PRKAG1: variants seen among roughly 807,000 people sequenced by gnomAD.
PRKAG1 encodes protein kinase AMP-activated non-catalytic subunit gamma 1.
Under a neutral mutation model 48.2 loss-of-function variants are expected in PRKAG1, and 27 were observed. The ratio of observed to expected loss-of-function variants is 0.56; its 90% CI spans 0.41 to 0.77. The LOEUF is 0.77. PRKAG1 is among the 30% of genes least tolerant of loss of function. PRKAG1 has a pLI of 0.00. For synonymous variants in PRKAG1, 130 were observed against 147.7 expected (o/e 0.88, Z 0.87); for missense variants, 287 against 398.3 (o/e 0.72, Z 2.38).
At chr12:49,015,831 C>T (rs770878653) in intron 1 of PRKAG1, among the ~76,000 whole-genome samples, 2 of 152,130 alleles carry the variant, frequency 1.3e-5, no homozygotes, top group Non-Finnish European at 2.9e-5. Flanking sequence ...CCGCCTCGGC[C>T]TCCCAAAGTG....
chr12:49,018,513 G>A (rs1760084840), intron 1 of PRKAG1: 2 of 1,425,060 alleles, frequency 1.4e-6, no homozygotes, highest in South Asian at 1.5e-5. Context: ...TGGGCTAAGG[G>A]TACCGCGTAC....
chr12:49,004,019 C>T, intron 8 of PRKAG1, 97 bp from the exon 9 acceptor site: 1 of 1,462,602 alleles, frequency 6.8e-7, no homozygotes, highest in Admixed American at 2.4e-5. Context: ...GCTGGGTGCG[C>T]CGGCTTATGC....
chr12:49,016,977 C>A lies in PRKAG1; in HGVS notation c.9+1755G>T, dbSNP rs745372122. 64 of 363,902 alleles carry A rather than the reference C, an allele frequency of 1.8e-4. 1 individual carries two copies. In the Admixed American group the frequency reaches 2.1e-3, roughly 12 times the overall value. 22.5% of individuals were successfully genotyped at this position (363,902 alleles called of 1,614,324 possible). A position where few individuals can be genotyped will look rare whatever the true frequency, so the allele number is the denominator to read the frequency against. ...TCATGCCGCTGGCTCACCCCCAGTTCTCTACATACCCCAATTTCAGTGCCC... is the reference window on the plus strand; with the variant it reads ...TCATGCCGCTGGCTCACCCCCAGTTATCTACATACCCCAATTTCAGTGCCC... On this transcript the variant is annotated intron_variant, in intron 1 of 11. Coordinates refer to ENST00000548065, the MANE Select transcript of PRKAG1 (RefSeq NM_002733.5).
At chr12:49,012,093 G>A (rs754152333) in intron 2 of PRKAG1, among the ~76,000 whole-genome samples, 3 of 152,194 alleles carry the variant, frequency 2.0e-5, no homozygotes, top group Non-Finnish European at 2.9e-5. Flanking sequence ...CTGACCTTAG[G>A]TGATCCACCC....
At chr12:49,004,144 T>A (rs1169756394) in intron 8 of PRKAG1, 2 of 564,790 alleles carry the variant, frequency 3.5e-6, no homozygotes, top group African/African-American at 1.9e-5. Flanking sequence ...ACCAAAAAAT[T>A]AGCCAGGTGT....
intron 10 of PRKAG1, 116 bp downstream of exon 10, chr12:49,003,442 C>T (rs982107415): frequency 1.3e-6 from 2 of 1,532,900 alleles, no homozygotes; most frequent in Non-Finnish European, 1.8e-6. Flanking sequence ...GATTTGAAAG[C>T]CTGGAAGCTT....
intron 1 of PRKAG1, among the ~76,000 whole-genome samples, chr12:49,014,029 G>A (rs984735976): frequency 2.0e-5 from 3 of 151,934 alleles, no homozygotes; most frequent in African/African-American, 4.8e-5. Flanking sequence ...AATTACAGGC[G>A]TGCACCACCA....
At position 49,005,229 on chromosome 12, in the gene PRKAG1, G is replaced by A; in HGVS notation, c.310-64C>T. ...CTGCTTCCTTAAGCCCTCGTGGCTTGCTTGGAGAAAAAGAAATGAGAATGA... is the reference window on the plus strand; with the variant it reads ...CTGCTTCCTTAAGCCCTCGTGGCTTACTTGGAGAAAAAGAAATGAGAATGA... On this transcript the variant is annotated intron_variant, in intron 5 of 11. Transcript: ENST00000548065. This position sits in a 1 kb window ranked among gnomAD's most constrained non-coding sequence, Gnocchi z 4.1. The A allele has an allele frequency of 6.2e-7, 1 of 1,612,474 alleles. No individual in the cohort carries two copies. The highest frequency in any genetic ancestry group is 8.5e-7 in the Non-Finnish European group (1 of 1,178,510).
rs202239748 is a variant in PRKAG1, at chr12:49,006,364, CCT to C, written c.59-514_59-513del. 9.0e-3 allele frequency among the ~76,000 whole-genome samples: 1,364 copies of C among 152,154 alleles called. 12 individuals carry two copies. The highest frequency in any genetic ancestry group is 0.017 in the Middle Eastern group (5 of 294). On this transcript the variant is annotated intron_variant, in intron 2 of 11. Coordinates refer to ENST00000548065, the MANE Select transcript of PRKAG1 (RefSeq NM_002733.5). ...GCCAGCCTGGGCAACACAGCGAACC[CCT>C]GTCTCAATTAAAAAAAAAATTATTC...
At chr12:49,006,866 G>A (rs984337211) in intron 2 of PRKAG1, among the ~76,000 whole-genome samples, 2 of 152,170 alleles carry the variant, frequency 1.3e-5, no homozygotes. Flanking sequence ...CTACTCGGGA[G>A]GCTGAGGCAG....
intron 1 of PRKAG1, chr12:49,017,395 C>G (rs1309957888): frequency 1.1e-5 from 4 of 348,662 alleles, no homozygotes; most frequent in East Asian, 7.9e-5. Context: ...TTGTTTCTGT[C>G]GAGACAGGCT....
chr12:49,003,881 C>T lies in PRKAG1; in HGVS notation c.579G>A (p.Leu193=). Residue 193 remains leucine (L), a synonymous_variant, in exon 9 of 12, where the codon CTG becomes CTA. Transcript: ENST00000548065. The stretch of plus-strand genomic sequence containing the variant: ...CATAGGTGCCAATCTGTAGCTCTTC[C>T]AGAGACTTGGACATGAACTCTGGCT... ...FPKPEFMSKS[L]EELQIGTYAN... The T allele has an allele frequency of 1.2e-6, 2 of 1,613,014 alleles. No individual in the cohort carries two copies. Among genetic ancestry groups the T allele is most frequent in the South Asian group, 2.2e-5 (2 of 90,900 alleles).
chr12:49,007,847 C>T (rs1160770013), intron 2 of PRKAG1, among the ~76,000 whole-genome samples: 10 of 151,690 alleles, frequency 6.6e-5, no homozygotes. Flanking sequence ...TTGGTTATAT[C>T]CGTATTTCAA....
intron 2 of PRKAG1, among the ~76,000 whole-genome samples, chr12:49,006,603 C>T (rs1187400246): frequency 6.6e-6 from 1 of 152,190 alleles, no homozygotes; most frequent in Non-Finnish European, 1.5e-5. Flanking sequence ...TAATTGCTTG[C>T]TCTAAACTAG....
intron 2 of PRKAG1, among the ~76,000 whole-genome samples, chr12:49,010,335 T>TTATA (rs1941705961): frequency 6.6e-6 from 1 of 152,170 alleles, no homozygotes; most frequent in Non-Finnish European, 1.5e-5. Flanking sequence ...CATTCAATAC[T>TTATA]TATATATTTT....
At chr12:49,016,292 C>T (rs370151956) in intron 1 of PRKAG1, among the ~76,000 whole-genome samples, 3 of 152,294 alleles carry the variant, frequency 2.0e-5, no homozygotes, top group East Asian at 3.9e-4. Context: ...CTGTACCACG[C>T]AAGTACAAAA....
rs1390924100 is a variant in PRKAG1 at position 49,003,135 on chromosome 12, C to T, written c.888+9G>A. On this transcript the variant is annotated intron_variant, in intron 11 of 11. Coordinates refer to ENST00000548065, the MANE Select transcript of PRKAG1 (RefSeq NM_002733.5). ...CCCTCAGCTCCTTTAGGGTTGCTGG[C>T]CTCCCTACCTCTGCTTCCACTAGCC... is the stretch of plus-strand genomic sequence containing the variant. The T allele has an allele frequency of 6.2e-7, 1 of 1,614,088 alleles. No homozygotes were observed. The highest frequency in any genetic ancestry group is 2.2e-5 in the East Asian group (1 of 44,888).
chr12:49,013,336 G>A (rs568427224), intron 1 of PRKAG1, among the ~76,000 whole-genome samples: 49 of 152,048 alleles, frequency 3.2e-4, no homozygotes, highest in African/African-American at 1.1e-3. Context: ...TGACCTCCTC[G>A]GGGTCAGGTG....
intron 2 of PRKAG1, among the ~76,000 whole-genome samples, chr12:49,009,705 T>A (rs1422119208): frequency 6.6e-6 from 1 of 152,036 alleles, no homozygotes; most frequent in African/African-American, 2.4e-5. Context: ...CTCCACCTCC[T>A]GGGTTCAAGC....
Sources: gnomAD v4.1 joint callset for allele counts (sites outside exome capture counted in the v4.1 genomes callset) on GRCh38, gnomAD v4.1.1 for gene constraint, Gnocchi (gnomAD v3.1) non-coding constraint, MANE v1.5 for transcripts, NCBI Gene and HGNC (gene_info 2026-07-23, HGNC 2026-07-21) for gene names.